TNFRSF1B: variants seen among roughly 807,000 people sequenced by gnomAD.
TNFRSF1B encodes the protein TNF receptor superfamily member 1B.
TNFRSF1B carries 19 observed loss-of-function variants against 44.6 expected under a neutral mutation model. The ratio of observed to expected loss-of-function variants is 0.43; its 90% confidence interval spans 0.30 to 0.62. TNFRSF1B has a LOEUF of 0.62. Among genes scored for constraint, TNFRSF1B ranks in the 20% least tolerant of loss-of-function variants. The probability of loss-of-function intolerance (pLI) is 0.16; values close to 1 mark genes in which losing one functional copy is unlikely to be tolerated. For missense variants in TNFRSF1B, 541 were observed against 619.9 expected, an observed-to-expected ratio of 0.87 and a Z score of 1.35; for synonymous variants, 252 against 261.1, an observed-to-expected ratio of 0.97 and a Z score of 0.34.
At position 12,186,632 on chromosome 1, in the gene TNFRSF1B, A is replaced by G. The variant is rs1319141582; in HGVS notation, c.79-2164A>G. ...AAACCAGTTCTTTCTGACTCCCTGT[A>G]TCCTTATCTATGGAGAGGCCCCATG... is the stretch of plus-strand genomic sequence containing the variant. On this transcript the variant is annotated intron_variant, in intron 1 of 9. Coordinates refer to ENST00000376259, the MANE Select transcript of TNFRSF1B (RefSeq NM_001066.3). This position sits in a 1 kb window ranked among gnomAD's most constrained non-coding sequence, Gnocchi z 4.8. Among the ~76,000 whole-genome samples the G allele has an allele frequency of 1.3e-5, 2 of 152,206 alleles. No homozygotes were observed. Among genetic ancestry groups the G allele is most frequent in the African/African-American group, 4.8e-5 (2 of 41,446 alleles).
rs1019646307 is a variant in TNFRSF1B, at chr1:12,186,291, A to C, written c.79-2505A>C. On this transcript the variant is annotated intron_variant, in intron 1 of 9. Transcript: ENST00000376259. The surrounding 1 kb of genome is among the most constrained non-coding windows in gnomAD (Gnocchi z 4.8). Reference sequence around the variant, plus strand: ...GCAGCCAAACGCTCAGCAGGCCCAAACTCTGGGCAGTCCTGACTCCCAGGC... The same window carrying C: ...GCAGCCAAACGCTCAGCAGGCCCAACCTCTGGGCAGTCCTGACTCCCAGGC... 8.5e-5 allele frequency among the ~76,000 whole-genome samples: 13 copies of C among 152,234 alleles called. No homozygotes were observed. The South Asian group carries it at 2.5e-3, about 29-fold the overall frequency.
At chr1:12,183,678 AT>A (rs1557628740) in intron 1 of TNFRSF1B, among the ~76,000 whole-genome samples, 31 of 126,448 alleles carry the variant, frequency 2.5e-4, no homozygotes, top group African/African-American at 8.2e-4. Flanking sequence ...CTATCTATCT[AT>A]CTATCTATCT....
chr1:12,185,721 G>A (rs17885470), intron 1 of TNFRSF1B, among the ~76,000 whole-genome samples: 206 of 152,342 alleles, frequency 1.4e-3, no homozygotes, highest in African/African-American at 4.8e-3. Flanking sequence ...TGAGCTTTGC[G>A]GCCCTGGCGC....
rs1460293191 is a variant in TNFRSF1B, at chr1:12,186,361, C to T, written c.79-2435C>T. On this transcript the variant is annotated intron_variant, in intron 1 of 9. Transcript: ENST00000376259. This position sits in a 1 kb window ranked among gnomAD's most constrained non-coding sequence, Gnocchi z 4.8. The stretch of plus-strand genomic sequence containing the variant: ...GGAGGAGGCACACTGAACCCACCTG[C>T]TACGTTGGCTGGTGGAAATTTGGCC... Among the ~76,000 whole-genome samples the T allele has an allele frequency of 6.6e-6, 1 of 152,212 alleles. No homozygotes were observed. The highest frequency in any genetic ancestry group is 1.9e-4 in the East Asian group (1 of 5,192).
intron 1 of TNFRSF1B, among the ~76,000 whole-genome samples, chr1:12,174,408 C>T (rs959201006): frequency 1.1e-4 from 16 of 151,972 alleles, no homozygotes; most frequent in East Asian, 9.7e-4. Context: ...CCACCACACC[C>T]GGCTAGTTTT....
rs1337313028 is a variant in TNFRSF1B at position 12,180,041 on chromosome 1, G to A, written c.79-8755G>A. On this transcript the variant is annotated intron_variant, in intron 1 of 9. Coordinates refer to ENST00000376259, the MANE Select transcript of TNFRSF1B (RefSeq NM_001066.3). This position sits in a 1 kb window ranked among gnomAD's most constrained non-coding sequence, Gnocchi z 4.3. Reference sequence around the variant, plus strand: ...ACCGCATCATCTTCCGTTCTCAGCGGGTAGATCCCTGCCCAGGGGGGACCC... The same window carrying A: ...ACCGCATCATCTTCCGTTCTCAGCGAGTAGATCCCTGCCCAGGGGGGACCC... Among the ~76,000 whole-genome samples, 1 of 151,776 alleles carries A rather than the reference G, an allele frequency of 6.6e-6. No individual in the cohort carries two copies. The highest frequency in any genetic ancestry group is 1.5e-5 in the Non-Finnish European group (1 of 67,898).
At chr1:12,198,708 T>TTTTTTTTTTTTTTA in intron 8 of TNFRSF1B, among the ~76,000 whole-genome samples, 8 of 146,912 alleles carry the variant, frequency 5.4e-5, no homozygotes, top group African/African-American at 7.5e-5. Flanking sequence ...TTTTTTTTTT[T>TTTTTTTTTTTTTTA]GAGAAAGAGT....
intron 9 of TNFRSF1B, 73 bp from the exon 10 acceptor site, chr1:12,206,667 A>G: frequency 2.0e-6 from 3 of 1,468,744 alleles, no homozygotes; most frequent in South Asian, 2.8e-5. Flanking sequence ...CTGAATCTGC[A>G]TCTTGGGCAG....
At chr1:12,184,748 G>A (rs903268145) in intron 1 of TNFRSF1B, among the ~76,000 whole-genome samples, 2 of 152,214 alleles carry the variant, frequency 1.3e-5, no homozygotes, top group Admixed American at 1.3e-4. Context: ...GCCAGGGTGG[G>A]ATTTCTTGCT....
In TNFRSF1B at chr1:12,186,348, C is replaced by G. The variant is rs1445891501; in HGVS notation, c.79-2448C>G. Among the ~76,000 whole-genome samples the G allele has an allele frequency of 1.3e-5, 2 of 152,230 alleles. No individual in the cohort carries two copies. The highest frequency in any genetic ancestry group is 2.4e-5 in the African/African-American group (1 of 41,460). ...GTGAGGAAGGGGAGGAGGAGGCACA[C>G]TGAACCCACCTGCTACGTTGGCTGG... On this transcript the variant is annotated intron_variant, in intron 1 of 9. Transcript: ENST00000376259. The surrounding 1 kb of genome is among the most constrained non-coding windows in gnomAD (Gnocchi z 4.8).
chr1:12,174,576 G>T (rs1378242954), intron 1 of TNFRSF1B, among the ~76,000 whole-genome samples: 2 of 152,180 alleles, frequency 1.3e-5, no homozygotes, highest in Non-Finnish European at 2.9e-5. Context: ...AGTAGGAGGG[G>T]TTGGAATTGT....
intron 6 of TNFRSF1B, 100 bp downstream of exon 6, chr1:12,193,198 G>C: frequency 9.2e-7 from 1 of 1,092,540 alleles, no homozygotes; most frequent in Non-Finnish European, 1.4e-6. Flanking sequence ...CCCACGGGGG[G>C]CTGGACCCTG....
At chr1:12,183,753 CTAGCTAGCTAGCTAGCTATCTATTCTAT>C (rs1557629290) in intron 1 of TNFRSF1B, among the ~76,000 whole-genome samples, 110 of 121,976 alleles carry the variant, frequency 9.0e-4, no homozygotes, top group Non-Finnish European at 1.6e-3. Context: ...ATCTATCTAG[CTAGCTAGCTAGCTAGCTATCTATTCTAT>C]CTACCTACCT....
chr1:12,174,129 T>G (rs1028284254), intron 1 of TNFRSF1B, among the ~76,000 whole-genome samples: 3 of 61,004 alleles, frequency 4.9e-5, no homozygotes, highest in Non-Finnish European at 9.7e-5. Flanking sequence ...CCATTTCTTC[T>G]TCTTCTTCTT....
intron 4 of TNFRSF1B, among the ~76,000 whole-genome samples, chr1:12,192,183 T>C (rs547379502): frequency 1.8e-4 from 27 of 152,332 alleles, no homozygotes; most frequent in South Asian, 1.2e-3. Context: ...AGGAAAGTTA[T>C]GTGATGCTGC....
chr1:12,177,520 C>T lies in TNFRSF1B; in HGVS notation c.78+10351C>T, dbSNP rs17884298. The stretch of plus-strand genomic sequence containing the variant: ...GGATTCCAGGGCCTGCCTGGCGCTG[C>T]TACCCCTGTGCCTCCAGACCCCTCG... On this transcript the variant is annotated intron_variant, in intron 1 of 9. Transcript: ENST00000376259. The surrounding 1 kb of genome is among the most constrained non-coding windows in gnomAD (Gnocchi z 4.3). Among the ~76,000 whole-genome samples, 4,481 of 152,264 alleles carry T rather than the reference C, an allele frequency of 0.029. 215 individuals are homozygous for T. Among genetic ancestry groups the T allele is most frequent in the African/African-American group, 0.1 (4,205 of 41,542 alleles).
In TNFRSF1B at chr1:12,207,359, TTTTGTTTG is replaced by T. The variant is rs5746064; in HGVS notation, c.*363_*370del. ...GCCTGGCTTCTGGAGCCCTTGGGTT[TTTTGTTTG>T]TTTGTTTGTTTGTTTGTTTGTTTCT... On this transcript the variant is annotated 3_prime_UTR_variant, in exon 10 of 10. Transcript: ENST00000376259. 4.9e-3 allele frequency: 1,496 copies of T among 307,836 alleles called. 6 individuals carry two copies. Among genetic ancestry groups the T allele is most frequent in the Non-Finnish European group, 6.4e-3 (1,072 of 168,376 alleles). The allele number at this position is 307,836 out of a possible 1,614,324, so 19.1% of individuals were successfully genotyped here.
intron 1 of TNFRSF1B, among the ~76,000 whole-genome samples, chr1:12,184,753 C>G (rs1463224002): frequency 6.6e-6 from 1 of 152,200 alleles, no homozygotes; most frequent in Non-Finnish European, 1.5e-5. Context: ...GGTGGGATTT[C>G]TTGCTGCCGC....
At chr1:12,183,853 A>G (rs1211388866) in intron 1 of TNFRSF1B, among the ~76,000 whole-genome samples, 1 of 150,990 alleles carries the variant, frequency 6.6e-6, no homozygotes, top group Non-Finnish European at 1.5e-5. Context: ...CTATCTATCT[A>G]CCTACCTACC....
Sources: allele counts gnomAD v4.1 joint callset (sites outside exome capture counted in the v4.1 genomes callset), GRCh38; gene constraint gnomAD v4.1.1; non-coding constraint Gnocchi (gnomAD v3.1); transcripts MANE v1.5; gene names NCBI Gene and HGNC (gene_info 2026-07-23, HGNC 2026-07-21).